The following BMP5 variants were observed in gnomAD, a reference collection of about 807,000 sequenced individuals.
BMP5 encodes bone morphogenetic protein 5.
BMP5 carries 23 observed loss-of-function variants against 46.6 expected under a neutral mutation model. That is an observed-to-expected ratio of 0.49 (90% confidence interval 0.35 to 0.70). The LOEUF (loss-of-function observed/expected upper bound fraction) is 0.70, where lower values mean the gene tolerates loss of function less well. Among genes scored for constraint, BMP5 ranks in the 30% least tolerant of loss-of-function variants. BMP5 has a pLI of 0.00. For missense variants in BMP5, 545 were observed against 565.6 expected (o/e 0.96, Z 0.37); for synonymous variants, 204 against 191.9 (o/e 1.06, Z -0.52).
Position 55,754,023 on chromosome 6 carries a change from T to A in BMP5, c.*1510A>T, listed in dbSNP as rs1454483828. On this transcript the variant is annotated 3_prime_UTR_variant, in exon 7 of 7. Coordinates refer to ENST00000370830, the MANE Select transcript of BMP5 (RefSeq NM_021073.4). Reference sequence around the variant, plus strand: ...GTCAAATTTTCTTTAAGATAAACTGTATTTCAAAACAACATTTTAATATAC... The same window carrying A: ...GTCAAATTTTCTTTAAGATAAACTGAATTTCAAAACAACATTTTAATATAC... 6.6e-6 allele frequency: 1 copy of A among 151,976 alleles called. No homozygotes were observed. Among genetic ancestry groups the A allele is most frequent in the African/African-American group, 2.4e-5 (1 of 41,436 alleles). 9.4% of individuals were successfully genotyped at this position (151,976 alleles called of 1,614,324 possible).
At chr6:55,761,556 C>T (rs906282437) in intron 4 of BMP5, among the ~76,000 whole-genome samples, 6 of 152,064 alleles carry the variant, frequency 3.9e-5, no homozygotes, top group Non-Finnish European at 7.4e-5. Flanking sequence ...GTTTCACTCA[C>T]AGTCAACCTT....
chr6:55,790,686 A>G (rs1016383391), intron 3 of BMP5, among the ~76,000 whole-genome samples: 6 of 152,154 alleles, frequency 3.9e-5, no homozygotes, highest in African/African-American at 1.2e-4. Context: ...TTCTTCATCC[A>G]GGAATGAATT....
At chr6:55,813,899 C>T (rs931248335) in intron 2 of BMP5, among the ~76,000 whole-genome samples, 2 of 151,960 alleles carry the variant, frequency 1.3e-5, no homozygotes, top group Non-Finnish European at 2.9e-5. Context: ...AGCAATAATA[C>T]AGCGATAAAC....
At chr6:55,808,062 C>CCTCA (rs1776034748) in intron 2 of BMP5, among the ~76,000 whole-genome samples, 1 of 152,164 alleles carries the variant, frequency 6.6e-6, no homozygotes, top group South Asian at 2.1e-4. Flanking sequence ...TTCCTGACTT[C>CCTCA]CTCAGAACTA....
In BMP5 at chr6:55,761,047, T is replaced by A. The variant is rs116321912; in HGVS notation, c.1028-514A>T. Among the ~76,000 whole-genome samples, 434 of 152,114 alleles carry A rather than the reference T, an allele frequency of 2.9e-3. 1 individual carries two copies. The highest frequency in any genetic ancestry group is 4.8e-3 in the Non-Finnish European group (326 of 67,980). On this transcript the variant is annotated intron_variant, in intron 4 of 6. Transcript: ENST00000370830. ...CTTCTAATCATCCCCCAAAATCCTG[T>A]CCACCTGTAGACTTCATTCTTGACT...
intron 1 of BMP5, among the ~76,000 whole-genome samples, chr6:55,828,641 A>G (rs2127541425): frequency 6.6e-6 from 1 of 151,938 alleles, no homozygotes; most frequent in Admixed American, 6.6e-5. Flanking sequence ...ATCTTGGTAT[A>G]TTTTAGGAAC....
In BMP5 at chr6:55,802,415, G is replaced by T. The variant is rs138469907; in HGVS notation, c.684-7988C>A. On this transcript the variant is annotated intron_variant, in intron 2 of 6. Coordinates refer to ENST00000370830, the MANE Select transcript of BMP5 (RefSeq NM_021073.4). ...AATGAGGAGTATGCATAGAGTACAAGAGATCACCTGGAACACCACTTCGTA... is the reference window on the plus strand; with the variant it reads ...AATGAGGAGTATGCATAGAGTACAATAGATCACCTGGAACACCACTTCGTA... Among the ~76,000 whole-genome samples the T allele has an allele frequency of 4.0e-3, 609 of 152,208 alleles. 17 individuals are homozygous for T. Among genetic ancestry groups the T allele is most frequent in the Admixed American group, 0.029 (447 of 15,282 alleles).
chr6:55,790,987 AATT>A (rs1376153944), intron 3 of BMP5, among the ~76,000 whole-genome samples: 8 of 152,224 alleles, frequency 5.3e-5, no homozygotes, highest in African/African-American at 1.9e-4. Flanking sequence ...GATACTCAAT[AATT>A]ATATGTTGGA....
chr6:55,802,578 C>CA (rs1182925171), intron 2 of BMP5, among the ~76,000 whole-genome samples: 2 of 151,506 alleles, frequency 1.3e-5, no homozygotes, highest in Non-Finnish European at 2.9e-5. Flanking sequence ...TGGTGCTTGT[C>CA]AAAATAAACA....
At chr6:55,836,664 G>A (rs1055721436) in intron 1 of BMP5, among the ~76,000 whole-genome samples, 5 of 128,308 alleles carry the variant, frequency 3.9e-5, no homozygotes, top group East Asian at 2.2e-4. Context: ...ACACACACAC[G>A]TAGGCATTAC....
At chr6:55,777,092 A>G (rs553795816) in intron 3 of BMP5, among the ~76,000 whole-genome samples, 1 of 152,072 alleles carries the variant, frequency 6.6e-6, no homozygotes, top group African/African-American at 2.4e-5. Flanking sequence ...AGATTCCACA[A>G]GTTAATGCTT....
At chr6:55,833,550 C>CTAATG (rs1582103170) in intron 1 of BMP5, among the ~76,000 whole-genome samples, 1 of 152,126 alleles carries the variant, frequency 6.6e-6, no homozygotes, top group East Asian at 1.9e-4. Context: ...TGTAAATAAT[C>CTAATG]ATTACACAGA....
intron 1 of BMP5, among the ~76,000 whole-genome samples, chr6:55,841,177 A>G (rs1224466314): frequency 6.6e-6 from 1 of 152,214 alleles, no homozygotes; most frequent in Non-Finnish European, 1.5e-5. Flanking sequence ...CATCCATGGA[A>G]AAATTGTCTT....
chr6:55,843,609 A>ATTTTTTTT (rs1777020224), intron 1 of BMP5, among the ~76,000 whole-genome samples: 1 of 152,104 alleles, frequency 6.6e-6, no homozygotes, highest in Non-Finnish European at 1.5e-5. Context: ...AAAAAAAGCA[A>ATTTTTTTT]CTATAGATCT....
intron 2 of BMP5, among the ~76,000 whole-genome samples, chr6:55,808,957 C>T (rs1397068689): frequency 6.6e-6 from 1 of 152,150 alleles, no homozygotes; most frequent in Non-Finnish European, 1.5e-5. Flanking sequence ...TATCCATGTA[C>T]CTTCATGAAT....
rs1774752010 is a variant in BMP5, at chr6:55,760,653, T to C, written c.1028-120A>G. ...TTATTTGAAGTTGTGGAAAAATGAG[T>C]TTCAATCTTAAAGTTAGAACTACTT... On this transcript the variant is annotated intron_variant, in intron 4 of 6. Coordinates refer to ENST00000370830, the MANE Select transcript of BMP5 (RefSeq NM_021073.4). The C allele has an allele frequency of 5.8e-6, 5 of 859,350 alleles. No individual in the cohort carries two copies. In the South Asian group the frequency reaches 6.3e-5, roughly 11 times the overall value. The allele number at this position is 859,350 out of a possible 1,614,324, so 53.2% of individuals were successfully genotyped here. A position where few individuals can be genotyped will look rare whatever the true frequency, so the allele number is the denominator to read the frequency against.
intron 1 of BMP5, among the ~76,000 whole-genome samples, chr6:55,858,981 A>T (rs1049994555): frequency 6.6e-6 from 1 of 152,152 alleles, no homozygotes; most frequent in Non-Finnish European, 1.5e-5. Context: ...GTAGGGGGCA[A>T]AGGGAGGGAG....
chr6:55,811,949 A>G (rs1422505447), intron 2 of BMP5, among the ~76,000 whole-genome samples: 3 of 152,208 alleles, frequency 2.0e-5, no homozygotes, highest in East Asian at 1.9e-4. Flanking sequence ...GCCCCACCAC[A>G]GTCCCTGGCC....
At chr6:55,853,138 TAAATAAAATAAAATAAAATAA>T (rs1224904411) in intron 1 of BMP5, among the ~76,000 whole-genome samples, 3 of 107,486 alleles carry the variant, frequency 2.8e-5, no homozygotes, top group East Asian at 2.9e-4. Flanking sequence ...CTCAAATACA[TAAATAAAATAAAATAAAATAA>T]AATAAAATAA....
Sources: allele counts gnomAD v4.1 joint callset (sites outside exome capture counted in the v4.1 genomes callset), GRCh38; gene constraint gnomAD v4.1.1; transcripts MANE v1.5; gene names NCBI Gene and HGNC (gene_info 2026-07-23, HGNC 2026-07-21).